VEPH1: variants seen among roughly 807,000 people sequenced by gnomAD.
VEPH1 encodes the protein ventricular zone-expressed PH domain-containing protein homolog 1.
A neutral mutation model predicts 85.2 loss-of-function variants in VEPH1; 80 were observed. That is an observed-to-expected ratio of 0.94 (90% CI 0.78 to 1.13). VEPH1 has a LOEUF of 1.13. Ranked by LOEUF, VEPH1 falls within the 50% of genes most tolerant of loss-of-function variation. The pLI is 0.00. For missense variants in VEPH1, 955 were observed against 980.5 expected, an observed-to-expected ratio of 0.97 and a Z score of 0.35; for synonymous variants, 297 against 348.0, an observed-to-expected ratio of 0.85 and a Z score of 1.63.
intron 3 of VEPH1, among the ~76,000 whole-genome samples, chr3:157,467,125 A>ATATGTGTGTGTG (rs1553793176): frequency 6.9e-6 from 1 of 145,346 alleles, no homozygotes; most frequent in Non-Finnish European, 1.5e-5. Flanking sequence ...GTGTGTGTGT[A>ATATGTGTGTGTG]TGTGTGTGTG....
chr3:157,382,649 C>A (rs1168440637), intron 6 of VEPH1, among the ~76,000 whole-genome samples: 1 of 151,932 alleles, frequency 6.6e-6, no homozygotes, highest in Non-Finnish European at 1.5e-5. Context: ...GCTCACAATC[C>A]TTCTGACTAA....
At chr3:157,401,069 T>C (rs1577569836) in intron 6 of VEPH1, among the ~76,000 whole-genome samples, 1 of 152,168 alleles carries the variant, frequency 6.6e-6, no homozygotes, top group Admixed American at 6.5e-5. Context: ...CTGGGGACTT[T>C]AGAATTGAAA....
At chr3:157,472,307 C>A (rs189107536) in intron 2 of VEPH1, among the ~76,000 whole-genome samples, 4 of 152,196 alleles carry the variant, frequency 2.6e-5, no homozygotes, top group Non-Finnish European at 4.4e-5. Flanking sequence ...GCTCTTAAAT[C>A]TATCTGGTAT....
At chr3:157,366,692 G>A (rs992248996) in intron 7 of VEPH1, among the ~76,000 whole-genome samples, 4 of 152,062 alleles carry the variant, frequency 2.6e-5, no homozygotes, top group Non-Finnish European at 5.9e-5. Flanking sequence ...CAGAGATCGC[G>A]CCATTGCACT....
chr3:157,443,401 C>CA (rs200886255), intron 4 of VEPH1: 7 of 104,754 alleles, frequency 6.7e-5, no homozygotes, highest in Admixed American at 1.0e-4. Context: ...TACCTTATTA[C>CA]AAAAAAAAGA....
At chr3:157,271,953 A>G (rs946049961) in intron 12 of VEPH1, among the ~76,000 whole-genome samples, 5 of 152,250 alleles carry the variant, frequency 3.3e-5, no homozygotes, top group Admixed American at 2.0e-4. Flanking sequence ...AATATCAGCC[A>G]TTTAGTCCAT....
chr3:157,435,740 C>T (rs1004551661), intron 4 of VEPH1, among the ~76,000 whole-genome samples: 1 of 152,202 alleles, frequency 6.6e-6, no homozygotes, highest in East Asian at 1.9e-4. Flanking sequence ...TTAATGGGAG[C>T]TCATCTGTAC....
chr3:157,351,117 C>G (rs929458122), intron 9 of VEPH1, among the ~76,000 whole-genome samples: 1 of 151,996 alleles, frequency 6.6e-6, no homozygotes, highest in South Asian at 2.1e-4. Flanking sequence ...GGAATCAACC[C>G]GGGTCCCCCA....
At chr3:157,366,297 C>G (rs1726685829) in intron 7 of VEPH1, among the ~76,000 whole-genome samples, 2 of 152,186 alleles carry the variant, frequency 1.3e-5, no homozygotes, top group South Asian at 4.2e-4. Context: ...TTTTCCAAGA[C>G]ATTGAGGAAA....
chr3:157,337,009 A>G (rs182400911), intron 9 of VEPH1, among the ~76,000 whole-genome samples: 4 of 151,892 alleles, frequency 2.6e-5, no homozygotes, highest in African/African-American at 9.7e-5. Flanking sequence ...GACATAATAT[A>G]AACATTTTTC....
chr3:157,263,650 C>A (rs1442833076), intron 13 of VEPH1, among the ~76,000 whole-genome samples: 1 of 152,088 alleles, frequency 6.6e-6, no homozygotes. Flanking sequence ...ACAGAAAAGT[C>A]CATCTGTATA....
In VEPH1 at chr3:157,439,590, G is replaced by A. The variant is rs192586658; in HGVS notation, c.530-11102C>T. ...GGATCACCAAAAATAGCCAACATGC[G>A]GTTCCAGTCCATGAACTTATATAGC... On this transcript the variant is annotated intron_variant, in intron 4 of 13. Transcript: ENST00000362010. Among the ~76,000 whole-genome samples the A allele has an allele frequency of 1.4e-3, 215 of 152,240 alleles. 1 individual carries two copies. The highest frequency in any genetic ancestry group is 5.1e-3 in the African/African-American group (210 of 41,542).
chr3:157,346,729 C>T lies in VEPH1; in HGVS notation c.1735+16635G>A, dbSNP rs115262392. On this transcript the variant is annotated intron_variant, in intron 9 of 13. Coordinates refer to ENST00000362010, the MANE Select transcript of VEPH1 (RefSeq NM_001167912.2). ...TCAAGCAATCTTCCCACCTCAGCCT[C>T]CCAAGTAGCTGGGACCATCAGCACG... is the stretch of plus-strand genomic sequence containing the variant. Among the ~76,000 whole-genome samples the T allele has an allele frequency of 6.9e-3, 1,052 of 152,204 alleles. 19 individuals are homozygous for T. The highest frequency in any genetic ancestry group is 0.024 in the African/African-American group (994 of 41,524).
chr3:157,431,212 C>T (rs138454822), intron 4 of VEPH1, among the ~76,000 whole-genome samples: 148 of 152,256 alleles, frequency 9.7e-4, no homozygotes, highest in African/African-American at 3.4e-3. Context: ...GCCTTGTTTC[C>T]CCTTTGCTTT....
chr3:157,347,745 C>A (rs182100588), intron 9 of VEPH1, among the ~76,000 whole-genome samples: 1 of 152,184 alleles, frequency 6.6e-6, no homozygotes, highest in Non-Finnish European at 1.5e-5. Flanking sequence ...GCAGAAGATC[C>A]GCATCATCCC....
At chr3:157,391,049 G>T (rs996858662) in intron 6 of VEPH1, among the ~76,000 whole-genome samples, 1 of 152,262 alleles carries the variant, frequency 6.6e-6, no homozygotes, top group African/African-American at 2.4e-5. Flanking sequence ...TGCCACAGCA[G>T]CTGGTGCACC....
intron 7 of VEPH1, among the ~76,000 whole-genome samples, chr3:157,379,133 A>C (rs1335064792): frequency 6.6e-6 from 1 of 152,190 alleles, no homozygotes; most frequent in African/African-American, 2.4e-5. Context: ...AAATCTTTCC[A>C]AGCCTCCATG....
chr3:157,422,648 GCT>G (rs1005289745), intron 5 of VEPH1, among the ~76,000 whole-genome samples: 5 of 152,134 alleles, frequency 3.3e-5, no homozygotes, highest in African/African-American at 4.8e-5. Context: ...CTGCAGTTTT[GCT>G]CATCCTTTCT....
At chr3:157,395,612 G>A (rs572106885) in intron 6 of VEPH1, among the ~76,000 whole-genome samples, 7 of 152,152 alleles carry the variant, frequency 4.6e-5, no homozygotes, top group Non-Finnish European at 1.0e-4. Flanking sequence ...GTCATCCTTT[G>A]CTGAGTGTAC....
Sources: gnomAD v4.1 joint callset for allele counts (sites outside exome capture counted in the v4.1 genomes callset) on GRCh38, gnomAD v4.1.1 for gene constraint, MANE v1.5 for transcripts, NCBI Gene and HGNC (gene_info 2026-07-23, HGNC 2026-07-21) for gene names.